Variants in SP4 observed in about 807,000 individuals in gnomAD.
SP4 encodes the protein transcription factor Sp4.
A neutral mutation model predicts 72.8 loss-of-function variants in SP4; 19 were observed. The observed-to-expected ratio is 0.26, with a 90% CI of 0.18 to 0.38. The LOEUF is 0.38. Ranked by LOEUF, SP4 falls within the 10% of genes least tolerant of loss-of-function variation. The pLI is 1.00. For missense variants in SP4, 1,008 were observed against 926.3 expected (o/e 1.09, Z -1.14); for synonymous variants, 395 against 333.1 (o/e 1.19, Z -2.02).
At chr7:21,462,110 C>T (rs181363632) in intron 3 of SP4, among the ~76,000 whole-genome samples, 2 of 150,084 alleles carry the variant, frequency 1.3e-5, no homozygotes, top group East Asian at 3.9e-4. Flanking sequence ...GCTGCAACCT[C>T]CACCTCCCAG....
chr7:21,464,442 C>A (rs563347586), intron 3 of SP4, among the ~76,000 whole-genome samples: 3 of 152,278 alleles, frequency 2.0e-5, no homozygotes, highest in East Asian at 3.9e-4. Flanking sequence ...GGTAAAATAG[C>A]TTCTTTCCTA....
chr7:21,478,447 AC>A, intron 4 of SP4, among the ~76,000 whole-genome samples: 1 of 152,302 alleles, frequency 6.6e-6, no homozygotes, highest in South Asian at 2.1e-4. Context: ...GAACTTACCG[AC>A]TGTTTTCCAA....
chr7:21,437,914 A>C (rs945020913), intron 3 of SP4, among the ~76,000 whole-genome samples: 3 of 152,186 alleles, frequency 2.0e-5, no homozygotes, highest in Admixed American at 6.5e-5. Context: ...GAATGTGGAA[A>C]ACATTTCGTA....
chr7:21,495,711 C>T (rs1360834622), intron 5 of SP4, among the ~76,000 whole-genome samples: 3 of 152,120 alleles, frequency 2.0e-5, no homozygotes, highest in Non-Finnish European at 2.9e-5. Context: ...TATAAACATG[C>T]AATTACCATA....
intron 3 of SP4, among the ~76,000 whole-genome samples, chr7:21,466,099 G>C (rs1422682011): frequency 2.0e-5 from 3 of 152,104 alleles, no homozygotes. Flanking sequence ...TGTCCTCTCT[G>C]TTAAGTAGGC....
chr7:21,450,302 A>G (rs1783549535), intron 3 of SP4, among the ~76,000 whole-genome samples: 1 of 152,230 alleles, frequency 6.6e-6, no homozygotes, highest in Admixed American at 6.5e-5. Context: ...TCAATAATTT[A>G]TAGTGAAACA....
chr7:21,473,629 A>G (rs1217755347), intron 3 of SP4, among the ~76,000 whole-genome samples: 1 of 152,200 alleles, frequency 6.6e-6, no homozygotes. Flanking sequence ...GAGCTTTTAG[A>G]TGGGATGGTC....
chr7:21,457,678 C>T (rs1027076761), intron 3 of SP4, among the ~76,000 whole-genome samples: 6 of 151,952 alleles, frequency 3.9e-5, no homozygotes, highest in Non-Finnish European at 7.4e-5. Context: ...AAGAAACCAA[C>T]AACATAGCAA....
Position 21,429,993 on chromosome 7 carries a change from C to T in SP4, c.828C>T (p.Ala276=), listed in dbSNP as rs140838467. 1.4e-4 allele frequency: 232 copies of T among 1,614,116 alleles called. 1 individual carries two copies. The African/African-American group carries it at 2.7e-3, about 19-fold the overall frequency. The change falls in exon 3 of 6, where the codon GCC becomes GCT. Residue 276 remains alanine (A), a synonymous_variant. Coordinates refer to ENST00000222584, the MANE Select transcript of SP4 (RefSeq NM_003112.5). ...LALPVINNVA[A]GGGTGQVGQP... is the part of the protein sequence containing the mutation. ...TGCCAGTGATAAACAACGTGGCTGC[C>T]GGAGGAGGGACTGGGCAGGTTGGCC... is the stretch of plus-strand genomic sequence containing the variant.
chr7:21,477,450 TA>T, intron 4 of SP4, 143 bp downstream of exon 4: 1 of 628,200 alleles, frequency 1.6e-6, no homozygotes, highest in South Asian at 1.9e-5. Flanking sequence ...GAAAGGGAAT[TA>T]AGTTGGGCTA....
rs1317319505 is a variant in SP4 at position 21,511,140 on chromosome 7, T to C, written c.2226T>C (p.Val742=). ...KKGGGTALAI[V]TSGELDSSVT... Reference sequence around the variant, plus strand: ...GTGGTGGGACAGCTCTTGCCATTGTTACCTCGGGAGAACTGGACTCATCTG... The same window carrying C: ...GTGGTGGGACAGCTCTTGCCATTGTCACCTCGGGAGAACTGGACTCATCTG... Residue 742 remains valine (V), a synonymous_variant, in exon 6 of 6, where the codon GTT becomes GTC. Transcript: ENST00000222584. 1 of 1,614,230 alleles carries C rather than the reference T, an allele frequency of 6.2e-7. No individual in the cohort carries two copies. The highest frequency in any genetic ancestry group is 8.5e-7 in the Non-Finnish European group (1 of 1,180,040).
At chr7:21,491,508 A>G (rs1020168348) in intron 5 of SP4, among the ~76,000 whole-genome samples, 4 of 152,218 alleles carry the variant, frequency 2.6e-5, no homozygotes, top group African/African-American at 9.6e-5. Flanking sequence ...ATTTGAAGAA[A>G]TAATGGCTGG....
intron 5 of SP4, among the ~76,000 whole-genome samples, chr7:21,495,910 C>T (rs536651672): frequency 1.6e-4 from 24 of 152,204 alleles, no homozygotes; most frequent in Admixed American, 4.6e-4. Flanking sequence ...GAGTACTACT[C>T]CCCAACATAA....
At chr7:21,487,404 T>C (rs1278548488) in intron 5 of SP4, among the ~76,000 whole-genome samples, 2 of 138,168 alleles carry the variant, frequency 1.4e-5, no homozygotes, top group Non-Finnish European at 3.0e-5. Context: ...TTTTGGAATC[T>C]CTAGGGTTTT....
At chr7:21,437,562 C>T (rs1227732535) in intron 3 of SP4, among the ~76,000 whole-genome samples, 2 of 151,960 alleles carry the variant, frequency 1.3e-5, no homozygotes, top group African/African-American at 4.8e-5. Context: ...AAATATGAGA[C>T]AAAGCTGGGA....
Position 21,511,650 on chromosome 7 carries a change from G to A in SP4, c.*381G>A, listed in dbSNP as rs1036951439. The A allele has an allele frequency of 5.8e-6, 1 of 171,820 alleles. No individual in the cohort carries two copies. The highest frequency in any genetic ancestry group is 2.4e-5 in the African/African-American group (1 of 41,884). The allele number at this position is 171,820 out of a possible 1,614,324, so 10.6% of individuals were successfully genotyped here. ...TTGAAAGTACTTTGTTATAAATTCA[G>A]TCAGTAATAATTTACGTGTATTCTT... is the stretch of plus-strand genomic sequence containing the variant. On this transcript the variant is annotated 3_prime_UTR_variant, in exon 6 of 6. Coordinates refer to ENST00000222584, the MANE Select transcript of SP4 (RefSeq NM_003112.5).
chr7:21,508,832 AG>A (rs775158344), intron 5 of SP4, among the ~76,000 whole-genome samples: 2 of 81,446 alleles, frequency 2.5e-5, no homozygotes, highest in Non-Finnish European at 2.3e-5. Context: ...TTTTTTTTTG[AG>A]ACAAGGCCGT....
At chr7:21,447,048 A>T (rs1783448319) in intron 3 of SP4, among the ~76,000 whole-genome samples, 1 of 152,210 alleles carries the variant, frequency 6.6e-6, no homozygotes, top group South Asian at 2.1e-4. Context: ...GATGGGGGCC[A>T]GGTCCCTAAA....
At chr7:21,475,305 G>A (rs970602319) in intron 3 of SP4, among the ~76,000 whole-genome samples, 1 of 151,770 alleles carries the variant, frequency 6.6e-6, no homozygotes, top group East Asian at 1.9e-4. Flanking sequence ...TAATAGAGAT[G>A]GGGTTTCACC....
Sources: allele counts gnomAD v4.1 joint callset (sites outside exome capture counted in the v4.1 genomes callset), GRCh38; gene constraint gnomAD v4.1.1; transcripts MANE v1.5; gene names NCBI Gene and HGNC (gene_info 2026-07-23, HGNC 2026-07-21).